Variants in ZNF652 observed in about 807,000 individuals in gnomAD.
The protein encoded by ZNF652 is zinc finger protein 652.
ZNF652 carries 16 observed loss-of-function variants against 45.2 expected under a neutral mutation model. The observed-to-expected ratio is 0.35, with a 90% CI of 0.24 to 0.54. The LOEUF (loss-of-function observed/expected upper bound fraction) is 0.54. Among genes scored for constraint, ZNF652 ranks in the 20% least tolerant of loss-of-function variants. The pLI is 0.91. For synonymous variants in ZNF652, 250 were observed against 260.6 expected, an observed-to-expected ratio of 0.96 and a Z score of 0.39; for missense variants, 614 against 765.6, an observed-to-expected ratio of 0.80 and a Z score of 2.34.
At chr17:49,347,906 A>G (rs2070223834) in intron 1 of ZNF652, among the ~76,000 whole-genome samples, 1 of 151,754 alleles carries the variant, frequency 6.6e-6, no homozygotes, top group Non-Finnish European at 1.5e-5. Context: ...CACCACACCC[A>G]GCTAAGTTTT....
intron 1 of ZNF652, among the ~76,000 whole-genome samples, chr17:49,330,408 T>C (rs949468555): frequency 1.3e-5 from 2 of 152,132 alleles, no homozygotes; most frequent in Non-Finnish European, 2.9e-5. Flanking sequence ...TTTTCCTGTC[T>C]CAGCCTCCTG....
Position 49,311,908 on chromosome 17 carries a change from T to TA in ZNF652, c.1164+18dup, listed in dbSNP as rs779909195. On this transcript the variant is annotated intron_variant, in intron 4 of 5. Transcript: ENST00000430262. ...ACACTAGCCCCTAGGCCTGGGCCTG[T>TA]AGGTAGCACATTCCTTACCTCGCAT... 6.3e-6 allele frequency: 10 copies of TA among 1,597,184 alleles called. No individual in the cohort carries two copies. In the African/African-American group the frequency reaches 1.3e-4, roughly 21 times the overall value.
chr17:49,309,720 C>T (rs540236877), intron 5 of ZNF652, among the ~76,000 whole-genome samples: 2 of 152,102 alleles, frequency 1.3e-5, no homozygotes, highest in Non-Finnish European at 2.9e-5. Context: ...TCAAAGTTAT[C>T]ATTTTCTTTT....
At position 49,290,620 on chromosome 17, in the gene ZNF652, C is replaced by G. The variant is rs1403300331; in HGVS notation, c.*7793G>C. On this transcript the variant is annotated 3_prime_UTR_variant, in exon 6 of 6. Transcript: ENST00000430262. ...AGAAGCCTGCCTGCTCTGCCTTTAGCACACAAAGGCGCCCCTATGGGAAGG... is the reference window on the plus strand; with the variant it reads ...AGAAGCCTGCCTGCTCTGCCTTTAGGACACAAAGGCGCCCCTATGGGAAGG... 2 of 152,204 alleles carry G rather than the reference C, an allele frequency of 1.3e-5. No individual in the cohort carries two copies. The highest frequency in any genetic ancestry group is 1.3e-4 in the Admixed American group (2 of 15,272). 9.4% of individuals were successfully genotyped at this position (152,204 alleles called of 1,614,324 possible).
At position 49,322,801 on chromosome 17, in the gene ZNF652, C is replaced by T. The variant is rs112106126; in HGVS notation, c.-258-4818G>A. ...TCGGGAGGCTGAGGCAGGAGAATGG[C>T]GTGAACCTGGGAGGCGGAGTTGGCA... On this transcript the variant is annotated intron_variant, in intron 1 of 5. Coordinates refer to ENST00000430262, the MANE Select transcript of ZNF652 (RefSeq NM_001145365.3). 9.5e-4 allele frequency among the ~76,000 whole-genome samples: 144 copies of T among 152,302 alleles called. 1 individual carries two copies. The highest frequency in any genetic ancestry group is 3.0e-3 in the African/African-American group (124 of 41,568).
downstream of ZNF652, among the ~76,000 whole-genome samples, chr17:49,288,697 T>C (rs1431048572): frequency 6.6e-6 from 1 of 152,218 alleles, no homozygotes; most frequent in Non-Finnish European, 1.5e-5. Context: ...GTCCAGCACG[T>C]ATTAGGCATC....
intron 5 of ZNF652, among the ~76,000 whole-genome samples, chr17:49,299,553 G>T (rs1472324038): frequency 2.7e-5 from 4 of 150,806 alleles, no homozygotes; most frequent in Non-Finnish European, 4.4e-5. Context: ...GCTAATTTTT[G>T]TATTTTTAGT....
intron 5 of ZNF652, among the ~76,000 whole-genome samples, chr17:49,307,836 A>T (rs1317675938): frequency 2.0e-5 from 3 of 152,186 alleles, no homozygotes; most frequent in Non-Finnish European, 4.4e-5. Flanking sequence ...AGCACTTAAG[A>T]TAATGCCTGA....
chr17:49,340,822 T>A (rs1411669571), intron 1 of ZNF652, among the ~76,000 whole-genome samples: 1 of 152,082 alleles, frequency 6.6e-6, no homozygotes, highest in Non-Finnish European at 1.5e-5. Flanking sequence ...GGCAGGAGGA[T>A]AGCTTGAGCC....
chr17:49,314,817 T>C (rs2069775860), intron 2 of ZNF652, among the ~76,000 whole-genome samples: 1 of 152,098 alleles, frequency 6.6e-6, no homozygotes, highest in African/African-American at 2.4e-5. Flanking sequence ...AAACCTCTGG[T>C]TGGAAAATGC....
intron 1 of ZNF652, among the ~76,000 whole-genome samples, chr17:49,336,919 C>T (rs531141629): frequency 1.3e-5 from 2 of 149,776 alleles, no homozygotes; most frequent in African/African-American, 2.5e-5. Context: ...CACACCCGGC[C>T]CCGGCCTACT....
chr17:49,331,082 GAA>G (rs1407159045), intron 1 of ZNF652, among the ~76,000 whole-genome samples: 139 of 134,742 alleles, frequency 1.0e-3, no homozygotes, highest in African/African-American at 3.4e-3. Flanking sequence ...AAAAAAAAAA[GAA>G]AAAAGAGAAA....
chr17:49,338,876 A>G (rs1434356389), intron 1 of ZNF652, among the ~76,000 whole-genome samples: 1 of 152,232 alleles, frequency 6.6e-6, no homozygotes. Flanking sequence ...TAAAACAAAA[A>G]CACTAAAGTA....
intron 5 of ZNF652, among the ~76,000 whole-genome samples, chr17:49,304,470 T>C (rs2069600263): frequency 6.6e-6 from 1 of 152,218 alleles, no homozygotes; most frequent in Middle Eastern, 3.4e-3. Flanking sequence ...CTCTGAAACC[T>C]CAAGTTTAAG....
intron 1 of ZNF652, among the ~76,000 whole-genome samples, chr17:49,336,502 GTATTT>G (rs1377243310): frequency 6.9e-6 from 1 of 145,526 alleles, no homozygotes; most frequent in Non-Finnish European, 1.5e-5. Flanking sequence ...GCTAACTTTT[GTATTT>G]TATTAGAGAC....
intron 1 of ZNF652, among the ~76,000 whole-genome samples, chr17:49,355,521 G>A (rs1244730085): frequency 6.6e-6 from 1 of 152,096 alleles, no homozygotes; most frequent in Non-Finnish European, 1.5e-5. Context: ...AAGCTGCAGT[G>A]AGCCAAGATG....
chr17:49,308,921 A>G (rs2069669537), intron 5 of ZNF652, among the ~76,000 whole-genome samples: 1 of 152,194 alleles, frequency 6.6e-6, no homozygotes, highest in African/African-American at 2.4e-5. Flanking sequence ...ATAAATTTAT[A>G]CAATAACTAA....
chr17:49,320,014 T>G lies in ZNF652; in HGVS notation c.-258-2031A>C, dbSNP rs551716220. Among the ~76,000 whole-genome samples the G allele has an allele frequency of 2.6e-5, 4 of 152,348 alleles. No individual in the cohort carries two copies. The South Asian group carries it at 8.3e-4, about 32-fold the overall frequency. ...GCCCCCCTCTCCATTTAATTCTATATTTCTACATAATTTGATTATGTTTCT... is the reference window on the plus strand; with the variant it reads ...GCCCCCCTCTCCATTTAATTCTATAGTTCTACATAATTTGATTATGTTTCT... On this transcript the variant is annotated intron_variant, in intron 1 of 5. Coordinates refer to ENST00000430262, the MANE Select transcript of ZNF652 (RefSeq NM_001145365.3).
intron 1 of ZNF652, among the ~76,000 whole-genome samples, chr17:49,350,957 A>C (rs1027207241): frequency 7.5e-6 from 1 of 133,480 alleles, no homozygotes; most frequent in Admixed American, 8.4e-5. Flanking sequence ...GTGACAGAGC[A>C]AGACTCTGTC....
Sources: gnomAD v4.1 joint callset for allele counts (sites outside exome capture counted in the v4.1 genomes callset) on GRCh38, gnomAD v4.1.1 for gene constraint, MANE v1.5 for transcripts, NCBI Gene and HGNC (gene_info 2026-07-23, HGNC 2026-07-21) for gene names.